The following PRKCG variants were observed in gnomAD, a reference collection of about 807,000 sequenced individuals.
The protein encoded by PRKCG is protein kinase C gamma.
PRKCG carries 28 observed loss-of-function variants against 82.0 expected under a neutral mutation model. That is an observed-to-expected ratio of 0.34 (90% confidence interval 0.25 to 0.47). The LOEUF (loss-of-function observed/expected upper bound fraction) is 0.47. Ranked by LOEUF, PRKCG falls within the 20% of genes least tolerant of loss-of-function variation. PRKCG has a pLI of 1.00. For missense variants in PRKCG, 640 were observed against 952.7 expected, an observed-to-expected ratio of 0.67 and a Z score of 4.32; for synonymous variants, 383 against 376.6, an observed-to-expected ratio of 1.02 and a Z score of -0.20.
At position 53,906,937 on chromosome 19, in the gene PRKCG, C is replaced by A; in HGVS notation, c.*42C>A. The A allele has an allele frequency of 1.9e-6, 3 of 1,612,072 alleles. No homozygotes were observed. Among genetic ancestry groups the A allele is most frequent in the Non-Finnish European group, 2.5e-6 (3 of 1,179,272 alleles). On this transcript the variant is annotated 3_prime_UTR_variant, in exon 18 of 18. Transcript: ENST00000263431. ...TAGGTGTCCCCAACGTCCCCTCCGC[C>A]GTGCCGGCGGCAGCCCCACTTCACC...
intron 16 of PRKCG, 122 bp from the exon 17 acceptor site, chr19:53,906,195 C>G: frequency 7.6e-7 from 1 of 1,318,242 alleles, no homozygotes; most frequent in East Asian, 2.6e-5. Flanking sequence ...TCTTATCTCT[C>G]CGGATCTCAT....
In PRKCG at chr19:53,884,990, C is replaced by T. The variant is rs2068621222; in HGVS notation, c.285+747C>T. 6.6e-6 allele frequency among the ~76,000 whole-genome samples: 1 copy of T among 152,162 alleles called. No homozygotes were observed. Reference sequence around the variant, plus strand: ...TCACAAGACCAGTCAACCCTGAGTGCCCATTCCCGTTCCCTTTTCTGCTTT... The same window carrying T: ...TCACAAGACCAGTCAACCCTGAGTGTCCATTCCCGTTCCCTTTTCTGCTTT... On this transcript the variant is annotated intron_variant, in intron 3 of 17. Transcript: ENST00000263431. The surrounding 1 kb of genome is among the most constrained non-coding windows in gnomAD (Gnocchi z 4.6).
At position 53,883,301 on chromosome 19, in the gene PRKCG, G is replaced by T. The variant is rs1366653849; in HGVS notation, c.202+107G>T. The T allele has an allele frequency of 3.0e-6, 4 of 1,341,820 alleles. No homozygotes were observed. Among genetic ancestry groups the T allele is most frequent in the African/African-American group, 1.4e-5 (1 of 69,316 alleles). The allele number at this position is 1,341,820 out of a possible 1,614,324, so 83.1% of individuals were successfully genotyped here. On this transcript the variant is annotated intron_variant, in intron 2 of 17. Transcript: ENST00000263431. The surrounding 1 kb of genome is among the most constrained non-coding windows in gnomAD (Gnocchi z 5.4). ...TGTTCTCTGGTCCCCAGAGAGGCGC[G>T]GGGGAGCCCGGGGCGGGGGGTGTGG...
intron 9 of PRKCG, among the ~76,000 whole-genome samples, chr19:53,895,827 AG>A (rs1420213691): frequency 6.6e-6 from 1 of 152,108 alleles, no homozygotes; most frequent in Non-Finnish European, 1.5e-5. Context: ...TGGGAGGCCA[AG>A]GCGGGTGGAT....
At position 53,905,186 on chromosome 19, in the gene PRKCG, C is replaced by T. The variant is rs555682689; in HGVS notation, c.1764+444C>T. On this transcript the variant is annotated intron_variant, in intron 16 of 17. Transcript: ENST00000263431. ...TTTCAGCCCATGTCAGCACCTTCTG[C>T]GTCTAGCTGCTCTCTCTGCATCTCC... 1.4e-3 allele frequency among the ~76,000 whole-genome samples: 210 copies of T among 152,290 alleles called. 1 individual carries two copies. Among genetic ancestry groups the T allele is most frequent in the Middle Eastern group, 3.4e-3 (1 of 294 alleles).
chr19:53,893,280 G>A (rs1568755778), intron 8 of PRKCG, 82 bp from the exon 9 acceptor site: 3 of 1,473,288 alleles, frequency 2.0e-6, no homozygotes, highest in Non-Finnish European at 2.8e-6. Flanking sequence ...ATGGCTTGAG[G>A]GTACTAGGGG....
In PRKCG at chr19:53,892,652, C is replaced by T; in HGVS notation, c.821+9C>T. 1 of 1,609,756 alleles carries T rather than the reference C, an allele frequency of 6.2e-7. No individual in the cohort carries two copies. The highest frequency in any genetic ancestry group is 1.1e-5 in the South Asian group (1 of 91,032). ...GCGCCCGTGGATGGCTGGTGAGGAG[C>T]AGGGCTGGGGCCTGGGGATGGAGCG... On this transcript the variant is annotated intron_variant, in intron 7 of 17. Transcript: ENST00000263431. This position sits in a 1 kb window ranked among gnomAD's most constrained non-coding sequence, Gnocchi z 5.9.
At chr19:53,896,374 CTGATTATTA>C (rs1316888175) in intron 9 of PRKCG, among the ~76,000 whole-genome samples, 2 of 109,972 alleles carry the variant, frequency 1.8e-5, no homozygotes, top group Non-Finnish European at 3.7e-5. Context: ...AGAAACAGCC[CTGATTATTA>C]TTATTATTAT....
rs1406719428 is a variant in PRKCG at position 53,883,099 on chromosome 19, C to T, written c.171-64C>T. The stretch of plus-strand genomic sequence containing the variant: ...GTCAGAGAGCGCAGGCCCCCTGTGG[C>T]TCGCAGAGGTTGGGGGTCCAGGTAC... On this transcript the variant is annotated intron_variant, in intron 1 of 17. Transcript: ENST00000263431. The surrounding 1 kb of genome is among the most constrained non-coding windows in gnomAD (Gnocchi z 5.4). The T allele has an allele frequency of 3.1e-6, 5 of 1,599,554 alleles. No homozygotes were observed. In the African/African-American group the frequency reaches 4.0e-5, roughly 13 times the overall value.
Position 53,897,960 on chromosome 19 carries a change from G to C in PRKCG, c.941G>C (p.Arg314Pro), listed in dbSNP as rs776905536. Reference sequence around the variant, plus strand: ...GCTCTTTCTTTCTCCTTTCCACAGCGGGTGCGGATGGGCCCCTCTTCCTCT... The same window carrying C: ...GCTCTTTCTTTCTCCTTTCCACAGCCGGTGCGGATGGGCCCCTCTTCCTCT... Reference protein sequence around the residue: ...ACNYPLELYERVRMGPSSSPI... With the variant: ...ACNYPLELYEPVRMGPSSSPI... Residue 314 changes from arginine (R) to proline (P), a missense_variant and splice_region_variant, in exon 10 of 18, where the codon CGG becomes CCG. Coordinates refer to ENST00000263431, the MANE Select transcript of PRKCG (RefSeq NM_002739.5). The C allele has an allele frequency of 1.9e-6, 3 of 1,613,908 alleles. No homozygotes were observed. Among genetic ancestry groups the C allele is most frequent in the Non-Finnish European group, 2.5e-6 (3 of 1,180,022 alleles).
In PRKCG at chr19:53,906,124, T is replaced by TTCTTTTCTTCTC. The variant is rs1568764147; in HGVS notation, c.1765-190_1765-189insTTTCTTCTCTCT. Among the ~76,000 whole-genome samples, 109 of 70,580 alleles carry TTCTTTTCTTCTC rather than the reference T, an allele frequency of 1.5e-3. 5 individuals are homozygous for TTCTTTTCTTCTC. The highest frequency in any genetic ancestry group is 5.7e-3 in the African/African-American group (50 of 8,736). 46.3% of individuals were successfully genotyped at this position (70,580 alleles called of 152,430 possible). A position where few individuals can be genotyped will look rare whatever the true frequency, so the allele number is the denominator to read the frequency against. ...TCTTCTTCTTCTTCTTCTTCTTTTC[T>TTCTTTTCTTCTC]TCTCTCTCTCTCTCCTTTCTTTTCC... is the stretch of plus-strand genomic sequence containing the variant. On this transcript the variant is annotated intron_variant, in intron 16 of 17. Coordinates refer to ENST00000263431, the MANE Select transcript of PRKCG (RefSeq NM_002739.5).
In PRKCG at chr19:53,898,584, C is replaced by T. The variant is rs1313302986; in HGVS notation, c.1237C>T (p.Arg413Trp). ...LALGGRGPGG[R>W]PHFLTQLHST... is the part of the protein sequence containing the mutation. Reference sequence around the variant, plus strand: ...GCTGGGGGGCCGGGGTCCTGGCGGCCGGCCCCACTTCCTCACCCAGCTCCA... The same window carrying T: ...GCTGGGGGGCCGGGGTCCTGGCGGCTGGCCCCACTTCCTCACCCAGCTCCA... Residue 413 changes from arginine to tryptophan, a missense_variant, in exon 11 of 18, where the codon CGG becomes TGG. Arg to Trp is a moderately radical substitution (Grantham distance 101, BLOSUM62 -3). Transcript: ENST00000263431. The T allele has an allele frequency of 6.2e-7, 1 of 1,606,182 alleles. No homozygotes were observed. The highest frequency in any genetic ancestry group is 8.5e-7 in the Non-Finnish European group (1 of 1,177,210).
At chr19:53,882,131 C>A (rs1026489231), upstream of PRKCG, 5 of 308,258 alleles carry the variant, frequency 1.6e-5, no homozygotes, top group Non-Finnish European at 3.1e-5. This position sits in a 1 kb window ranked among gnomAD's most constrained non-coding sequence, Gnocchi z 6.1. Flanking sequence ...GGGAGGGGAG[C>A]GCCTTTAAGC....
intron 14 of PRKCG, among the ~76,000 whole-genome samples, chr19:53,901,551 CAAAAAAA>C (rs57268943): frequency 1.3e-4 from 6 of 45,818 alleles, no homozygotes; most frequent in African/African-American, 3.5e-4. Flanking sequence ...AACTTCATCT[CAAAAAAA>C]AAAAAAAAAA....
Position 53,889,813 on chromosome 19 carries a change from C to T in PRKCG, c.397+64C>T. 3 of 1,563,210 alleles carry T rather than the reference C, an allele frequency of 1.9e-6. No homozygotes were observed. Among genetic ancestry groups the T allele is most frequent in the Non-Finnish European group, 1.7e-6 (2 of 1,150,144 alleles). ...CCCGGTCTGGGTTCCGGGAAATGCC[C>T]GGGATGGGGTGGGGGGTGGAGTCTT... On this transcript the variant is annotated intron_variant, in intron 4 of 17. Coordinates refer to ENST00000263431, the MANE Select transcript of PRKCG (RefSeq NM_002739.5). This position sits in a 1 kb window ranked among gnomAD's most constrained non-coding sequence, Gnocchi z 4.4.
chr19:53,890,522 T>G (rs558103480), intron 5 of PRKCG, among the ~76,000 whole-genome samples: 1 of 151,990 alleles, frequency 6.6e-6, no homozygotes. Context: ...CCTCCCAAAG[T>G]GCTGGGATTA....
chr19:53,893,146 C>A, intron 8 of PRKCG, 71 bp downstream of exon 8: 3 of 1,457,144 alleles, frequency 2.1e-6, no homozygotes, highest in South Asian at 1.2e-5. Context: ...CCTTTCCTTC[C>A]ACCCCTGAGT....
chr19:53,893,406 G>GGCGTTGAATGGAGGCAGTTTTT lies in PRKCG; in HGVS notation c.939+18_939+39dup, dbSNP rs2068694761. ...AATTGTATGAGGTGAGTAGAACCAGGGCGTTGAATGGAGGCAGTTTTTGCC... is the reference window on the plus strand; with the variant it reads ...AATTGTATGAGGTGAGTAGAACCAGGGCGTTGAATGGAGGCAGTTTTTGCGTTGAATGGAGGCAGTTTTTGCC... On this transcript the variant is annotated intron_variant, in intron 9 of 17. Transcript: ENST00000263431. 4 of 1,611,976 alleles carry GGCGTTGAATGGAGGCAGTTTTT rather than the reference G, an allele frequency of 2.5e-6. No homozygotes were observed. The highest frequency in any genetic ancestry group is 3.4e-6 in the Non-Finnish European group (4 of 1,178,088).
intron 5 of PRKCG, among the ~76,000 whole-genome samples, 175 bp from the exon 6 acceptor site, chr19:53,891,499 G>A (rs1184563998): frequency 1.3e-5 from 2 of 150,588 alleles, no homozygotes; most frequent in Admixed American, 1.3e-4. Flanking sequence ...TCACAGGATG[G>A]TCTCGATCTC....
Sources: gnomAD v4.1 joint callset for allele counts (sites outside exome capture counted in the v4.1 genomes callset) on GRCh38, gnomAD v4.1.1 for gene constraint, Gnocchi (gnomAD v3.1) non-coding constraint, MANE v1.5 for transcripts, NCBI Gene and HGNC (gene_info 2026-07-23, HGNC 2026-07-21) for gene names.